KPNA6: variants seen among roughly 807,000 people sequenced by gnomAD.
KPNA6 encodes the protein importin subunit alpha-7.
A neutral mutation model predicts 72.0 loss-of-function variants in KPNA6; 9 were observed. The observed-to-expected ratio is 0.13, with a 90% CI of 0.08 to 0.22. The LOEUF (loss-of-function observed/expected upper bound fraction) is 0.22, where lower values mean the gene tolerates loss of function less well. Among genes scored for constraint, KPNA6 ranks in the 10% least tolerant of loss-of-function variants. The probability of loss-of-function intolerance (pLI) is 1.00; values close to 1 mark genes in which losing one functional copy is unlikely to be tolerated. For synonymous variants in KPNA6, 219 were observed against 242.1 expected, an observed-to-expected ratio of 0.90 and a Z score of 0.89; for missense variants, 374 against 655.7, an observed-to-expected ratio of 0.57 and a Z score of 4.69.
At position 32,167,202 on chromosome 1, in the gene KPNA6, A is replaced by T; in HGVS notation, c.1150A>T (p.Ile384Phe). The change falls in exon 12 of 14, where the codon ATC becomes TTC. Residue 384 changes from isoleucine to phenylalanine, a missense_variant. This residue lies in a region of KPNA6 where 298 missense variants were observed against 495.4 expected (regional missense o/e 0.60). Coordinates refer to ENST00000373625, the MANE Select transcript of KPNA6 (RefSeq NM_012316.5). ...AGATGCAAATATCTTCCCTGTGTTG[A>T]TCGAAATCCTTCAGAAAGCAGAGTT... ...VIDANIFPVL[I>F]EILQKAEFRT... is the part of the protein sequence containing the mutation. The T allele has an allele frequency of 6.2e-7, 1 of 1,614,106 alleles. No individual in the cohort carries two copies. The highest frequency in any genetic ancestry group is 2.2e-5 in the East Asian group (1 of 44,864).
At chr1:32,108,580 G>C (rs982389058) in intron 1 of KPNA6, among the ~76,000 whole-genome samples, 3 of 152,268 alleles carry the variant, frequency 2.0e-5, no homozygotes, top group African/African-American at 7.2e-5. Flanking sequence ...TCCTACCTAC[G>C]TAGCGAGGTG....
At chr1:32,124,781 A>G (rs1641503143) in intron 1 of KPNA6, among the ~76,000 whole-genome samples, 1 of 150,828 alleles carries the variant, frequency 6.6e-6, no homozygotes, top group South Asian at 2.1e-4. Flanking sequence ...TGCTAGGATT[A>G]CAAGTGTGAG....
intron 1 of KPNA6, among the ~76,000 whole-genome samples, chr1:32,119,032 A>ATATAT (rs1167325052): frequency 3.5e-4 from 14 of 40,278 alleles, no homozygotes; most frequent in African/African-American, 4.0e-4. Flanking sequence ...ATATATATAT[A>ATATAT]TTTTTTTTTT....
chr1:32,148,515 A>G (rs966332125), intron 1 of KPNA6, among the ~76,000 whole-genome samples: 1 of 141,408 alleles, frequency 7.1e-6, no homozygotes, highest in Non-Finnish European at 1.5e-5. Context: ...CTACCTCTTT[A>G]TCTTCTGCTC....
Position 32,174,975 on chromosome 1 carries a change from A to G in KPNA6, c.*4081A>G, listed in dbSNP as rs746494955. ...AGCTTTTTCATTCTTTTGTTAAGCC[A>G]ACAAGTTGAGAATTTGGCCCTGCTG... is the stretch of plus-strand genomic sequence containing the variant. On this transcript the variant is annotated 3_prime_UTR_variant, in exon 14 of 14. Transcript: ENST00000373625. The G allele has an allele frequency of 1.3e-5, 2 of 152,246 alleles. No homozygotes were observed. The highest frequency in any genetic ancestry group is 2.4e-5 in the African/African-American group (1 of 41,462). 9.4% of individuals were successfully genotyped at this position (152,246 alleles called of 1,614,324 possible).
intron 1 of KPNA6, among the ~76,000 whole-genome samples, chr1:32,111,355 G>A (rs75663394): frequency 0.013 from 2,043 of 152,228 alleles, 19 homozygotes; most frequent in Non-Finnish European, 0.023. Context: ...TCCTATTCTG[G>A]TACAGTTCAA....
chr1:32,133,106 G>C (rs1033208610), intron 1 of KPNA6, among the ~76,000 whole-genome samples: 1 of 152,084 alleles, frequency 6.6e-6, no homozygotes, highest in Non-Finnish European at 1.5e-5. Flanking sequence ...CACTCTGGGA[G>C]GCTAAGGCAG....
chr1:32,157,014 T>C, intron 3 of KPNA6, 69 bp downstream of exon 3: 1 of 1,132,678 alleles, frequency 8.8e-7, no homozygotes, highest in Non-Finnish European at 1.3e-6. Flanking sequence ...AATTGGGCCG[T>C]TCACATCATC....
chr1:32,165,391 A>G (rs954645977), intron 10 of KPNA6, among the ~76,000 whole-genome samples: 1 of 152,030 alleles, frequency 6.6e-6, no homozygotes, highest in Non-Finnish European at 1.5e-5. Context: ...CATTTTGATT[A>G]AGTCCAGTTT....
At chr1:32,150,401 G>A (rs1439759635) in intron 1 of KPNA6, among the ~76,000 whole-genome samples, 1 of 152,000 alleles carries the variant, frequency 6.6e-6, no homozygotes, top group African/African-American at 2.4e-5. Context: ...CCAACGTGTT[G>A]GGATTACAGG....
At chr1:32,147,159 G>A (rs1404808598) in intron 1 of KPNA6, among the ~76,000 whole-genome samples, 1 of 152,092 alleles carries the variant, frequency 6.6e-6, no homozygotes, top group Non-Finnish European at 1.5e-5. Context: ...TTGCAGAGCA[G>A]GTCTAGTGGT....
In KPNA6 at chr1:32,163,364, G is replaced by A. The variant is rs375402208; in HGVS notation, c.990+51G>A. ...TTAGACCAGCTATGGAAGAGCTTGT[G>A]GAGAGCTGCCAGTGGACAAAAGCCT... On this transcript the variant is annotated intron_variant, in intron 10 of 13. Transcript: ENST00000373625. 97 of 1,356,444 alleles carry A rather than the reference G, an allele frequency of 7.2e-5. No individual in the cohort carries two copies. In the African/African-American group the frequency reaches 7.4e-4, roughly 10 times the overall value. The allele number at this position is 1,356,444 out of a possible 1,614,324, so 84.0% of individuals were successfully genotyped here.
chr1:32,135,315 C>G (rs929491464), intron 1 of KPNA6, among the ~76,000 whole-genome samples: 1 of 152,108 alleles, frequency 6.6e-6, no homozygotes, highest in Non-Finnish European at 1.5e-5. Context: ...GATCTGTCCC[C>G]CTCAGCCTCC....
chr1:32,125,951 G>A (rs994232148), intron 1 of KPNA6, among the ~76,000 whole-genome samples: 34 of 133,150 alleles, frequency 2.6e-4, no homozygotes, highest in Admixed American at 7.3e-4. Context: ...AGATTTTGCC[G>A]CCAAATGTGT....
chr1:32,141,815 G>A (rs1342107306), intron 1 of KPNA6, among the ~76,000 whole-genome samples: 2 of 152,116 alleles, frequency 1.3e-5, no homozygotes, highest in East Asian at 3.8e-4. Flanking sequence ...ACTTGAATTT[G>A]ATATCAGACA....
rs746943852 is a variant in KPNA6 at position 32,156,849 on chromosome 1, T to G, written c.139-4T>G. 2 of 1,611,952 alleles carry G rather than the reference T, an allele frequency of 1.2e-6. No homozygotes were observed. Among genetic ancestry groups the G allele is most frequent in the Non-Finnish European group, 1.7e-6 (2 of 1,178,190 alleles). On this transcript the variant is annotated splice_polypyrimidine_tract_variant and splice_region_variant and intron_variant, in intron 2 of 13. Transcript: ENST00000373625. ...ACTCTTAACCACTGTCTCTTTACTT[T>G]CAGCTTTTTAAACGGAGAAATGTGG...
At chr1:32,108,447 C>T (rs1020939422) in intron 1 of KPNA6, among the ~76,000 whole-genome samples, 2 of 152,258 alleles carry the variant, frequency 1.3e-5, no homozygotes, top group Admixed American at 1.3e-4. Flanking sequence ...TGCGCCCAGA[C>T]TGGGGCTGGG....
At chr1:32,167,432 G>A (rs1000531893) in intron 12 of KPNA6, 136 bp downstream of exon 12, 3 of 878,752 alleles carry the variant, frequency 3.4e-6, no homozygotes, top group Non-Finnish European at 5.2e-6. Context: ...AATTTTACTG[G>A]TAAACTGCTA....
At chr1:32,151,730 A>C (rs555798705) in intron 1 of KPNA6, among the ~76,000 whole-genome samples, 1 of 152,170 alleles carries the variant, frequency 6.6e-6, no homozygotes, top group Admixed American at 6.5e-5. Flanking sequence ...CTGTTGCCCG[A>C]TGTCTGAAAC....
Sources: gnomAD v4.1 joint callset for allele counts (sites outside exome capture counted in the v4.1 genomes callset) on GRCh38, gnomAD v4.1.1 for gene constraint, gnomAD v4.1.1 regional missense constraint, MANE v1.5 for transcripts, NCBI Gene and HGNC (gene_info 2026-07-23, HGNC 2026-07-21) for gene names.